The following SPIDR variants were observed in gnomAD, a reference collection of about 807,000 sequenced individuals.
The protein encoded by SPIDR is DNA repair-scaffolding protein.
A neutral mutation model predicts 104.6 loss-of-function variants in SPIDR; 93 were observed. That is an observed-to-expected ratio of 0.89 (90% CI 0.75 to 1.06). The LOEUF (loss-of-function observed/expected upper bound fraction) is 1.06. Among genes scored for constraint, SPIDR ranks in the 50% least tolerant of loss-of-function variants. The probability of loss-of-function intolerance (pLI) is 0.00; values close to 1 mark genes in which losing one functional copy is unlikely to be tolerated. For missense variants in SPIDR, 1,154 were observed against 1,111.2 expected (o/e 1.04, Z -0.55); for synonymous variants, 431 against 416.9 (o/e 1.03, Z -0.41).
chr8:47,677,154 G>A (rs867993647), intron 11 of SPIDR, among the ~76,000 whole-genome samples: 1 of 152,210 alleles, frequency 6.6e-6, no homozygotes, highest in East Asian at 1.9e-4. Context: ...TCTACTAAGG[G>A]CCACCCCCCA....
intron 8 of SPIDR, among the ~76,000 whole-genome samples, chr8:47,579,305 T>C (rs1690143606): frequency 6.6e-6 from 1 of 152,178 alleles, no homozygotes; most frequent in Non-Finnish European, 1.5e-5. Context: ...TCAAATCCAG[T>C]CAGTCAAAAA....
At chr8:47,391,131 G>A (rs1268403621) in intron 5 of SPIDR, among the ~76,000 whole-genome samples, 3 of 152,146 alleles carry the variant, frequency 2.0e-5, no homozygotes, top group African/African-American at 4.8e-5. Context: ...GAGTTCCTCC[G>A]TGTTCATCTG....
rs777629617 is a variant in SPIDR at position 47,599,079 on chromosome 8, C to T, written c.1427C>T (p.Ser476Leu). The stretch of plus-strand genomic sequence containing the variant: ...GTGGTGGAAAGCCAGGGAGCTGCCT[C>T]GTGGCCAGGAGCTGGAGTCCGAGTG... ...LDVVESQGAA[S>L]WPGAGVRVVV... The change falls in exon 10 of 20, where the codon TCG (serine) becomes TTG (leucine). Residue 476 changes from serine to leucine, a missense_variant. By Grantham distance (145) the Ser-to-Leu change is moderately radical (BLOSUM62 -2). Coordinates refer to ENST00000297423, the MANE Select transcript of SPIDR (RefSeq NM_001080394.4). 9.3e-6 allele frequency: 15 copies of T among 1,612,716 alleles called. No homozygotes were observed. Among genetic ancestry groups the T allele is most frequent in the Non-Finnish European group, 1.2e-5 (14 of 1,179,432 alleles).
chr8:47,683,928 C>T (rs1055042885), intron 11 of SPIDR, among the ~76,000 whole-genome samples: 4 of 151,712 alleles, frequency 2.6e-5, no homozygotes, highest in African/African-American at 9.7e-5. Flanking sequence ...AGATCGAGAC[C>T]ATCCTGGGTA....
At chr8:47,537,107 G>A (rs1489582638) in intron 8 of SPIDR, among the ~76,000 whole-genome samples, 2 of 152,188 alleles carry the variant, frequency 1.3e-5, no homozygotes, top group Middle Eastern at 3.2e-3. Flanking sequence ...ATCATTCATT[G>A]CTGATGGAAG....
At chr8:47,434,610 C>T (rs1292670620) in intron 7 of SPIDR, among the ~76,000 whole-genome samples, 2 of 152,184 alleles carry the variant, frequency 1.3e-5, no homozygotes. Context: ...GAAAGACTTA[C>T]AGATGTTCCT....
At chr8:47,486,376 A>C (rs782579430) in intron 8 of SPIDR, among the ~76,000 whole-genome samples, 13 of 152,232 alleles carry the variant, frequency 8.5e-5, no homozygotes, top group Non-Finnish European at 1.9e-4. Context: ...TCTACGTCTG[A>C]TTGGTGTACC....
At position 47,612,574 on chromosome 8, in the gene SPIDR, A is replaced by G. The variant is rs1040312080; in HGVS notation, c.1544+13378A>G. ...AAGCACTATCTGGTAATTTACTTTT[A>G]TGTTTCAGTTTTGAACTTCTTCCAG... On this transcript the variant is annotated intron_variant, in intron 10 of 19. Transcript: ENST00000297423. 3.7e-4 allele frequency among the ~76,000 whole-genome samples: 56 copies of G among 152,328 alleles called. 1 individual carries two copies. Among genetic ancestry groups the G allele is most frequent in the African/African-American group, 1.3e-3 (54 of 41,584 alleles).
At chr8:47,334,879 T>C (rs1554607611) in intron 5 of SPIDR, among the ~76,000 whole-genome samples, 1 of 152,202 alleles carries the variant, frequency 6.6e-6, no homozygotes, top group East Asian at 1.9e-4. Context: ...TTTTTTCTCA[T>C]TTTCTTAGTA....
chr8:47,408,945 T>C lies in SPIDR; in HGVS notation c.877+984T>C, dbSNP rs187480323. Among the ~76,000 whole-genome samples the C allele has an allele frequency of 2.3e-3, 347 of 152,310 alleles. 2 individuals carry two copies. The highest frequency in any genetic ancestry group is 8.2e-3 in the African/African-American group (339 of 41,582). On this transcript the variant is annotated intron_variant, in intron 7 of 19. Coordinates refer to ENST00000297423, the MANE Select transcript of SPIDR (RefSeq NM_001080394.4). ...GCTCACGCCTGTAATCCCAGCACTT[T>C]AGGAGGCTGAGGCGGGCAGATCATG... is the stretch of plus-strand genomic sequence containing the variant.
At chr8:47,321,035 A>G (rs1284459251) in intron 5 of SPIDR, among the ~76,000 whole-genome samples, 1 of 152,222 alleles carries the variant, frequency 6.6e-6, no homozygotes, top group Non-Finnish European at 1.5e-5. Context: ...AACTGGCACA[A>G]GACAGGGATG....
chr8:47,692,533 T>C (rs544080651), intron 11 of SPIDR, among the ~76,000 whole-genome samples: 33 of 150,760 alleles, frequency 2.2e-4, no homozygotes, highest in Non-Finnish European at 3.8e-4. Context: ...GTTTCTTGCT[T>C]GTTGCCCAGG....
At chr8:47,565,221 G>A (rs938745456) in intron 8 of SPIDR, among the ~76,000 whole-genome samples, 6 of 152,134 alleles carry the variant, frequency 3.9e-5, no homozygotes, top group African/African-American at 1.4e-4. Flanking sequence ...ACTCCAGCCT[G>A]GACAAGAAGG....
At chr8:47,322,318 C>A (rs1396956853) in intron 5 of SPIDR, among the ~76,000 whole-genome samples, 1 of 152,162 alleles carries the variant, frequency 6.6e-6, no homozygotes, top group Non-Finnish European at 1.5e-5. Context: ...ATTTATGCAG[C>A]CAAAAGACAC....
intron 8 of SPIDR, among the ~76,000 whole-genome samples, chr8:47,486,140 G>A (rs549957904): frequency 2.0e-5 from 3 of 152,282 alleles, no homozygotes; most frequent in South Asian, 4.1e-4. Flanking sequence ...AGAATAACCA[G>A]TGTAGAGAAG....
At chr8:47,304,884 A>G (rs899370180) in intron 5 of SPIDR, among the ~76,000 whole-genome samples, 7 of 152,222 alleles carry the variant, frequency 4.6e-5, no homozygotes, top group Non-Finnish European at 8.8e-5. Context: ...ATAGATTAAT[A>G]TCATTATCAC....
chr8:47,330,916 A>G (rs2048554229), intron 5 of SPIDR: 1 of 372,380 alleles, frequency 2.7e-6, no homozygotes, highest in Non-Finnish European at 5.5e-6. Flanking sequence ...TTTTAGTTTT[A>G]TAAGAAACTG....
chr8:47,354,208 G>A (rs1554624227), intron 5 of SPIDR, among the ~76,000 whole-genome samples: 1 of 152,088 alleles, frequency 6.6e-6, no homozygotes, highest in East Asian at 1.9e-4. Flanking sequence ...TAAAAAGTTG[G>A]GAAAGGTGAC....
intron 8 of SPIDR, among the ~76,000 whole-genome samples, chr8:47,556,012 T>C (rs961644102): frequency 2.0e-5 from 3 of 152,224 alleles, no homozygotes; most frequent in African/African-American, 7.2e-5. Flanking sequence ...GTTATAGGTA[T>C]GTTAATGAGT....
Sources: allele counts gnomAD v4.1 joint callset (sites outside exome capture counted in the v4.1 genomes callset), GRCh38; gene constraint gnomAD v4.1.1; transcripts MANE v1.5; gene names NCBI Gene and HGNC (gene_info 2026-07-23, HGNC 2026-07-21).